The following ANKRD30A variants were observed in gnomAD, a reference collection of about 807,000 sequenced individuals.
ANKRD30A encodes ankyrin repeat domain 30A.
A neutral mutation model predicts 166.3 loss-of-function variants in ANKRD30A; 170 were observed. That is an observed-to-expected ratio of 1.02 (90% confidence interval 0.90 to 1.16). The LOEUF is 1.16. Among genes scored for constraint, ANKRD30A ranks in the 50% most tolerant of loss-of-function variants. The pLI, the probability that ANKRD30A is intolerant of heterozygous loss-of-function variation, is 0.00. For missense variants in ANKRD30A, 1,630 were observed against 1,518.0 expected (o/e 1.07, Z -1.23); for synonymous variants, 564 against 508.9 (o/e 1.11, Z -1.46).
intron 15 of ANKRD30A, 90 bp from the exon 16 acceptor site, chr10:37,162,559 A>T (rs1454147183): frequency 1.3e-6 from 2 of 1,509,204 alleles, no homozygotes; most frequent in Admixed American, 3.3e-5. Context: ...TTGGAGCAAG[A>T]GGAGTCAGTT....
intron 12 of ANKRD30A, among the ~76,000 whole-genome samples, chr10:37,153,026 G>A (rs1484981272): frequency 6.6e-6 from 1 of 151,934 alleles, no homozygotes; most frequent in African/African-American, 2.4e-5. Flanking sequence ...TCTAAAACAT[G>A]TTGCTTATTT....
At chr10:37,197,993 T>G (rs1202401748) in intron 29 of ANKRD30A, among the ~76,000 whole-genome samples, 1 of 152,092 alleles carries the variant, frequency 6.6e-6, no homozygotes, top group Admixed American at 6.6e-5. Flanking sequence ...TGTGTGCCTG[T>G]GTATGTGTGT....
intron 19 of ANKRD30A, among the ~76,000 whole-genome samples, chr10:37,167,329 A>T (rs1227807663): frequency 2.7e-5 from 4 of 145,888 alleles, no homozygotes; most frequent in African/African-American, 1.1e-4. Flanking sequence ...TATGTTTTTG[A>T]TGTTCACAAT....
intron 32 of ANKRD30A, 120 bp downstream of exon 32, chr10:37,216,514 G>A: frequency 1.1e-6 from 1 of 930,154 alleles, no homozygotes; most frequent in Admixed American, 3.3e-5. Context: ...TGTCTGTCTT[G>A]TAGAGTGTCA....
chr10:37,166,643 A>G lies in ANKRD30A; in HGVS notation c.2103A>G (p.Leu701=), dbSNP rs1178209339. The G allele has an allele frequency of 3.8e-6, 6 of 1,599,270 alleles. No homozygotes were observed. Among genetic ancestry groups the G allele is most frequent in the Non-Finnish European group, 3.4e-6 (4 of 1,174,290 alleles). ...CTGTTTCACAGAAGGATGTGTGTTT[A>G]CCCAAGGCTGCGCATCAAAAAGAAA... ...CETVSQKDVC[L]PKAAHQKEID... The change falls in exon 19 of 36, where the codon TTA becomes TTG. Residue 701 remains leucine (L), a synonymous_variant. Transcript: ENST00000361713.
chr10:37,126,486 G>A (rs755127526), intron 1 of ANKRD30A, among the ~76,000 whole-genome samples: 1 of 152,146 alleles, frequency 6.6e-6, no homozygotes, highest in Non-Finnish European at 1.5e-5. Context: ...TGATATCAAT[G>A]AATGTCTATG....
chr10:37,155,822 C>T (rs906777819), intron 13 of ANKRD30A, among the ~76,000 whole-genome samples: 2 of 152,136 alleles, frequency 1.3e-5, no homozygotes, highest in African/African-American at 2.4e-5. Flanking sequence ...TGGCTCACGC[C>T]TGTAATTCCA....
At chr10:37,241,739 G>T in the ANKRD30A span, among the ~76,000 whole-genome samples, 1 of 152,108 alleles carries the variant, frequency 6.6e-6, no homozygotes, top group Admixed American at 6.5e-5. Flanking sequence ...TTTAAGTGCT[G>T]ATTTATATGG....
chr10:37,208,640 G>A (rs1311667785), intron 31 of ANKRD30A, among the ~76,000 whole-genome samples: 5 of 152,058 alleles, frequency 3.3e-5, no homozygotes, highest in African/African-American at 1.2e-4. Context: ...ATGAGAACTA[G>A]CATTTGGGAA....
At chr10:37,158,308 A>G (rs1838539458) in intron 13 of ANKRD30A, 84 bp from the exon 14 acceptor site, 13 of 1,512,326 alleles carry the variant, frequency 8.6e-6, no homozygotes, top group Non-Finnish European at 1.2e-5. Context: ...ATGAGGATTC[A>G]TCTTCATGTT....
the ANKRD30A span, chr10:37,248,051 A>G: frequency 7.4e-6 from 3 of 405,856 alleles, no homozygotes; most frequent in Admixed American, 9.3e-5. Flanking sequence ...ATCATGTGGT[A>G]GAAGGGAACA....
At chr10:37,136,082 G>A (rs1271408902) in intron 5 of ANKRD30A, among the ~76,000 whole-genome samples, 1 of 150,498 alleles carries the variant, frequency 6.6e-6, no homozygotes, top group East Asian at 1.9e-4. Context: ...GTCAGGCACT[G>A]CACCAGGCCA....
At position 37,157,396 on chromosome 10, in the gene ANKRD30A, C is replaced by T. The variant is rs532753897; in HGVS notation, c.1799-996C>T. On this transcript the variant is annotated intron_variant, in intron 13 of 35. Coordinates refer to ENST00000361713, the MANE Select transcript of ANKRD30A (RefSeq NM_052997.3). Reference sequence around the variant, plus strand: ...AATACATCCATATAAGATGTTTTCTCGCTCTGTCATCCAGGCTGGAGTGCA... The same window carrying T: ...AATACATCCATATAAGATGTTTTCTTGCTCTGTCATCCAGGCTGGAGTGCA... Among the ~76,000 whole-genome samples the T allele has an allele frequency of 6.6e-5, 10 of 152,248 alleles. No individual in the cohort carries two copies. In the East Asian group the frequency reaches 1.3e-3, roughly 21 times the overall value.
intron 11 of ANKRD30A, 86 bp downstream of exon 11, chr10:37,149,935 T>C (rs1837795357): frequency 6.4e-7 from 1 of 1,552,412 alleles, no homozygotes; most frequent in African/African-American, 1.4e-5. Flanking sequence ...GCTTTATTTT[T>C]TTCAACTTTG....
At chr10:37,205,103 A>G (rs1017278286) in intron 31 of ANKRD30A, among the ~76,000 whole-genome samples, 1 of 152,194 alleles carries the variant, frequency 6.6e-6, no homozygotes, top group Non-Finnish European at 1.5e-5. Flanking sequence ...TACTGGTTAT[A>G]TACCCAAAGG....
At chr10:37,136,981 C>T (rs984113446) in intron 6 of ANKRD30A, among the ~76,000 whole-genome samples, 11 of 151,726 alleles carry the variant, frequency 7.2e-5, no homozygotes, top group African/African-American at 2.7e-4. Flanking sequence ...CTATATAATA[C>T]TTTTGTATAA....
At chr10:37,171,379 T>C (rs1839550070) in intron 21 of ANKRD30A, among the ~76,000 whole-genome samples, 1 of 147,894 alleles carries the variant, frequency 6.8e-6, no homozygotes. Flanking sequence ...AATGAAAATA[T>C]TTAAAATACA....
chr10:37,199,788 G>A lies in ANKRD30A; in HGVS notation c.2778G>A (p.Glu926=). 1 of 1,549,690 alleles carries A rather than the reference G, an allele frequency of 6.5e-7. No individual in the cohort carries two copies. Among genetic ancestry groups the A allele is most frequent in the Non-Finnish European group, 8.8e-7 (1 of 1,133,496 alleles). The change falls in exon 30 of 36, where the codon GAG becomes GAA. Residue 926 remains glutamate, a splice_region_variant and synonymous_variant. Coordinates refer to ENST00000361713, the MANE Select transcript of ANKRD30A (RefSeq NM_052997.3). ...KKVEENSWDS[E]SLRETVSQKD... The stretch of plus-strand genomic sequence containing the variant: ...TTGAAGAAAATTCTTGGGATTCTGA[G>A]GTACTATGTGTTATTGATTTTTTTA...
At chr10:37,209,895 T>C (rs1842193604) in intron 31 of ANKRD30A, among the ~76,000 whole-genome samples, 1 of 152,056 alleles carries the variant, frequency 6.6e-6, no homozygotes, top group South Asian at 2.1e-4. Context: ...CAAAAGAGAG[T>C]TGGATCTTTT....
Sources: gnomAD v4.1 joint callset for allele counts (sites outside exome capture counted in the v4.1 genomes callset) on GRCh38, gnomAD v4.1.1 for gene constraint, MANE v1.5 for transcripts, NCBI Gene and HGNC (gene_info 2026-07-23, HGNC 2026-07-21) for gene names.